Variants in BCL11A observed in about 807,000 individuals in gnomAD.
The protein encoded by BCL11A is B cell CLL/lymphoma 11A.
A neutral mutation model predicts 55.9 loss-of-function variants in BCL11A; 2 were observed. The observed-to-expected ratio is 0.04, with a 90% CI of 0.01 to 0.11. BCL11A has a LOEUF of 0.11. BCL11A is among the 10% of genes least tolerant of loss of function. The pLI is 1.00. For synonymous variants in BCL11A, 465 were observed against 473.4 expected, an observed-to-expected ratio of 0.98 and a Z score of 0.23; for missense variants, 817 against 1,137.1, an observed-to-expected ratio of 0.72 and a Z score of 4.05.
intron 2 of BCL11A, among the ~76,000 whole-genome samples, chr2:60,506,920 A>G (rs1233298747): frequency 1.3e-5 from 2 of 152,158 alleles, no homozygotes; most frequent in African/African-American, 2.4e-5. Context: ...CAAACTATTG[A>G]AAAGCATGTG....
chr2:60,546,086 G>T lies in BCL11A; in HGVS notation c.270C>A (p.Ile90=), dbSNP rs1446265434. The T allele has an allele frequency of 6.2e-7, 1 of 1,614,188 alleles. No homozygotes were observed. Among genetic ancestry groups the T allele is most frequent in the Non-Finnish European group, 8.5e-7 (1 of 1,180,034 alleles). ...CGGGATTGGATGCTTTTTTCATCTCGATTGGTGAAGGGGAAGGTGGCTTAT... is the reference window on the plus strand; with the variant it reads ...CGGGATTGGATGCTTTTTTCATCTCTATTGGTGAAGGGGAAGGTGGCTTAT... ...AVDKPPSPSP[I]EMKKASNPVE... Residue 90 remains isoleucine (I), a synonymous_variant, in exon 2 of 4, where the codon ATC becomes ATA. Coordinates refer to ENST00000642384, the MANE Select transcript of BCL11A (RefSeq NM_022893.4). This position sits in a 1 kb window ranked among gnomAD's most constrained non-coding sequence, Gnocchi z 4.1.
At chr2:60,480,121 C>T (rs1447962022) in intron 2 of BCL11A, among the ~76,000 whole-genome samples, 1 of 152,136 alleles carries the variant, frequency 6.6e-6, no homozygotes, top group Non-Finnish European at 1.5e-5. Context: ...CCACTCTGCA[C>T]CAAGGACAGC....
At chr2:60,482,856 T>C (rs1258087402) in intron 2 of BCL11A, among the ~76,000 whole-genome samples, 1 of 152,218 alleles carries the variant, frequency 6.6e-6, no homozygotes, top group Non-Finnish European at 1.5e-5. Context: ...ATTTTAAATA[T>C]CCAACTAGAC....
chr2:60,491,750 G>A (rs1052695539), intron 2 of BCL11A, among the ~76,000 whole-genome samples: 10 of 151,430 alleles, frequency 6.6e-5, no homozygotes, highest in Admixed American at 1.3e-4. Flanking sequence ...GACTGCCCAC[G>A]TCAAAACACC....
intron 2 of BCL11A, among the ~76,000 whole-genome samples, chr2:60,490,118 G>C (rs1326046403): frequency 6.6e-6 from 1 of 152,158 alleles, no homozygotes; most frequent in Admixed American, 6.5e-5. Context: ...CCATGTGCTA[G>C]GCTCCTACAA....
chr2:60,520,257 T>A (rs1668918659), intron 2 of BCL11A, among the ~76,000 whole-genome samples: 1 of 152,196 alleles, frequency 6.6e-6, no homozygotes, highest in African/African-American at 2.4e-5. Context: ...CCTCTTTAAT[T>A]TTCACCCTTA....
chr2:60,553,106 A>G, intron 1 of BCL11A, 110 bp downstream of exon 1: 1 of 1,220,164 alleles, frequency 8.2e-7, no homozygotes, highest in South Asian at 1.5e-5. Flanking sequence ...TTTCTCGTGA[A>G]AAATTTAAAA....
intron 2 of BCL11A, chr2:60,544,027 C>CTT (rs1670043883): frequency 6.6e-6 from 1 of 152,160 alleles, no homozygotes; most frequent in Non-Finnish European, 1.5e-5. Flanking sequence ...CAGTAAAAGT[C>CTT]TTAACTATAT....
chr2:60,462,122 G>C lies in BCL11A; in HGVS notation c.790C>G (p.Pro264Ala). 1.3e-6 allele frequency: 2 copies of C among 1,549,930 alleles called. No homozygotes were observed. The highest frequency in any genetic ancestry group is 1.7e-6 in the Non-Finnish European group (2 of 1,149,778). Residue 264 changes from proline (P) to alanine (A), a missense_variant, in exon 4 of 4, where the codon CCC becomes GCC. Physicochemically the swap from Pro to Ala is conservative, Grantham distance 27 (BLOSUM62 -1). Around this residue, in one of 4 missense-constraint regions of BCL11A, gnomAD observed 363 missense variants for 486.6 expected, o/e 0.75. Coordinates refer to ENST00000642384, the MANE Select transcript of BCL11A (RefSeq NM_022893.4). Reference sequence around the variant, plus strand: ...TGTCTCGGTGGTGGACTAAACAGGGGGGGAGTGGGTGGAAAGCGCCCTTCT... The same window carrying C: ...TGTCTCGGTGGTGGACTAAACAGGGCGGGAGTGGGTGGAAAGCGCCCTTCT... Reference protein sequence around the residue: ...LAEGRFPPTPPLFSPPPRHHL... With the variant: ...LAEGRFPPTPALFSPPPRHHL...
At chr2:60,518,303 G>C (rs1412454998) in intron 2 of BCL11A, among the ~76,000 whole-genome samples, 4 of 152,138 alleles carry the variant, frequency 2.6e-5, no homozygotes, top group African/African-American at 9.7e-5. Flanking sequence ...CATAGATAAA[G>C]GAGTCACAGG....
chr2:60,528,596 G>A (rs1237195695), intron 2 of BCL11A: 1 of 152,214 alleles, frequency 6.6e-6, no homozygotes, highest in African/African-American at 2.4e-5. Context: ...CTGCCCAGTT[G>A]TTGCCTGGCA....
intron 2 of BCL11A, among the ~76,000 whole-genome samples, chr2:60,494,329 G>C (rs964205503): frequency 6.6e-6 from 1 of 152,132 alleles, no homozygotes; most frequent in African/African-American, 2.4e-5. Flanking sequence ...CAGTGACCAT[G>C]GCCTGGTCAC....
intron 3 of BCL11A, among the ~76,000 whole-genome samples, chr2:60,466,293 C>T (rs1236819001): frequency 1.3e-5 from 2 of 152,066 alleles, no homozygotes; most frequent in Non-Finnish European, 2.9e-5. Context: ...CTCCACCCTC[C>T]TCTGAACTGC....
At chr2:60,509,643 A>G (rs954910027) in intron 2 of BCL11A, among the ~76,000 whole-genome samples, 2 of 152,242 alleles carry the variant, frequency 1.3e-5, no homozygotes, top group Admixed American at 1.3e-4. Context: ...TGGTAGCTAA[A>G]GAACAACAGA....
downstream of BCL11A, among the ~76,000 whole-genome samples, chr2:60,456,676 T>G (rs139825330): frequency 1.4e-3 from 209 of 152,254 alleles, 2 homozygotes; most frequent in African/African-American, 4.7e-3. Context: ...ATGCCTTTGT[T>G]TCCAGATTTT....
At position 60,461,427 on chromosome 2, in the gene BCL11A, T is replaced by TTCCTCTTCC; in HGVS notation, c.1476_1484dup (p.Glu502_Glu504dup). 1 of 1,604,108 alleles carries TTCCTCTTCC rather than the reference T, an allele frequency of 6.2e-7. No individual in the cohort carries two copies. The highest frequency in any genetic ancestry group is 8.5e-7 in the Non-Finnish European group (1 of 1,178,644). On this transcript the variant is annotated inframe_insertion, in exon 4 of 4. Coordinates refer to ENST00000642384, the MANE Select transcript of BCL11A (RefSeq NM_022893.4). ...CCTCCTCCTCCTCTTCCTCCTCTTC[T>TTCCTCTTCC]TCCTCTTCCTCGTCGTCCTCCTCTT...
intron 2 of BCL11A, among the ~76,000 whole-genome samples, chr2:60,501,505 C>CTTTTTTT (rs11366853): frequency 8.4e-6 from 1 of 119,724 alleles, no homozygotes; most frequent in African/African-American, 3.2e-5. Context: ...ACACCGCTTT[C>CTTTTTTT]TTTTTTTTTT....
chr2:60,550,071 G>T (rs1303455792), intron 1 of BCL11A, among the ~76,000 whole-genome samples: 2 of 152,074 alleles, frequency 1.3e-5, no homozygotes, highest in African/African-American at 4.8e-5. Flanking sequence ...CGAGGTCTGT[G>T]CTTTGCATGG....
intron 2 of BCL11A, among the ~76,000 whole-genome samples, chr2:60,539,435 T>C (rs917967866): frequency 1.3e-5 from 2 of 152,192 alleles, no homozygotes; most frequent in Non-Finnish European, 2.9e-5. Flanking sequence ...AGCTCAGAAA[T>C]AGACCCCAAG....
Sources: allele counts gnomAD v4.1 joint callset (sites outside exome capture counted in the v4.1 genomes callset), GRCh38; gene constraint gnomAD v4.1.1; regional missense constraint gnomAD v4.1.1; non-coding constraint Gnocchi (gnomAD v3.1); transcripts MANE v1.5; gene names NCBI Gene and HGNC (gene_info 2026-07-23, HGNC 2026-07-21).